Variants in SKIDA1 observed in about 807,000 individuals in gnomAD.
The protein encoded by SKIDA1 is SKI/DACH domain-containing protein 1.
Under a neutral mutation model 51.4 loss-of-function variants are expected in SKIDA1, and 18 were observed. The ratio of observed to expected loss-of-function variants is 0.35; its 90% CI spans 0.24 to 0.52. The LOEUF is 0.52. Among genes scored for constraint, SKIDA1 ranks in the 20% least tolerant of loss-of-function variants. The pLI is 0.95. For synonymous variants in SKIDA1, 579 were observed against 500.5 expected, an observed-to-expected ratio of 1.16 and a Z score of -2.09; for missense variants, 1,104 against 1,180.6, an observed-to-expected ratio of 0.94 and a Z score of 0.95.
In SKIDA1 at chr10:21,515,341, T is replaced by C; in HGVS notation, c.2482A>G (p.Arg828Gly). The C allele has an allele frequency of 6.2e-7, 1 of 1,614,086 alleles. No individual in the cohort carries two copies. The highest frequency in any genetic ancestry group is 8.5e-7 in the Non-Finnish European group (1 of 1,179,904). ...ACATTGCTGGCTACCTTTTTGCGTC[T>C]GTTTATAACTGTAAAATCATCCAGT... ...GTLDDFTVIN[R>G]RKKVASNVAS... The change falls in exon 4 of 4, where the codon AGA becomes GGA. Residue 828 changes from arginine (R) to glycine (G), a missense_variant. Physicochemically the swap from Arg to Gly is moderately radical, Grantham distance 125 (BLOSUM62 -2). Around this residue, in one of 3 missense-constraint regions of SKIDA1, gnomAD observed 112 missense variants for 168.3 expected, o/e 0.67. Transcript: ENST00000449193.
chr10:21,516,539 C>CTCCTCCTCCTCT lies in SKIDA1; in HGVS notation c.1272_1283dup (p.Glu425_Glu428dup), dbSNP rs759811825. ...TGGAATCCGAGGCCCCGCTGCCCCCCTCCTCCTCCTCTTCCTCCTCCTCCT... is the reference window on the plus strand; with the variant it reads ...TGGAATCCGAGGCCCCGCTGCCCCCCTCCTCCTCCTCTTCCTCCTCCTCTTCCTCCTCCTCCT... On this transcript the variant is annotated inframe_insertion, in exon 4 of 4. Transcript: ENST00000449193. The surrounding 1 kb of genome is among the most constrained non-coding windows in gnomAD (Gnocchi z 5.7). 2.9e-5 allele frequency: 44 copies of CTCCTCCTCCTCT among 1,531,562 alleles called. No homozygotes were observed. Among genetic ancestry groups the CTCCTCCTCCTCT allele is most frequent in the Non-Finnish European group, 3.8e-5 (43 of 1,127,922 alleles). The allele number at this position is 1,531,562 out of a possible 1,614,324, so 94.9% of individuals were successfully genotyped here. A position where few individuals can be genotyped will look rare whatever the true frequency, so the allele number is the denominator to read the frequency against.
Position 21,515,178 on chromosome 10 carries a change from G to A in SKIDA1, c.2645C>T (p.Ala882Val). 1 of 1,613,896 alleles carries A rather than the reference G, an allele frequency of 6.2e-7. No individual in the cohort carries two copies. Among genetic ancestry groups the A allele is most frequent in the Non-Finnish European group, 8.5e-7 (1 of 1,179,860 alleles). ...TTKDSQTPHKAHPIWKWQLGG... is the reference protein window; with the variant it reads ...TTKDSQTPHKVHPIWKWQLGG... ...CAGCTGCCATTTCCATATAGGATGGGCCTTGTGAGGAGTTTGAGAATCCTT... is the reference window on the plus strand; with the variant it reads ...CAGCTGCCATTTCCATATAGGATGGACCTTGTGAGGAGTTTGAGAATCCTT... The change falls in exon 4 of 4, where the codon GCC (alanine) becomes GTC (valine). Residue 882 changes from alanine (A) to valine (V), a missense_variant. By Grantham distance (64) the Ala-to-Val change is moderately conservative. Transcript: ENST00000449193.
At chr10:21,520,074 A>G (rs1273770945) in intron 3 of SKIDA1, among the ~76,000 whole-genome samples, 1 of 152,212 alleles carries the variant, frequency 6.6e-6, no homozygotes, top group Non-Finnish European at 1.5e-5. Flanking sequence ...TGCCTTTGAA[A>G]TCTAAGGCTA....
In SKIDA1 at chr10:21,525,634, AGG is replaced by A. The variant is rs2131280162; in HGVS notation, c.-2207_-2206del. ...CGCAGCAAGAGGAAGGGGAGGAGAG[AGG>A]AGAGGGAGGAGTAAATTCAACCACC... is the stretch of plus-strand genomic sequence containing the variant. On this transcript the variant is annotated 5_prime_UTR_variant, in exon 1 of 4. Coordinates refer to ENST00000449193, the MANE Select transcript of SKIDA1 (RefSeq NM_207371.4). 1 of 152,502 alleles carries A rather than the reference AGG, an allele frequency of 6.6e-6. No homozygotes were observed. The highest frequency in any genetic ancestry group is 2.1e-4 in the South Asian group (1 of 4,822). 9.4% of individuals were successfully genotyped at this position (152,502 alleles called of 1,614,324 possible). A position where few individuals can be genotyped will look rare whatever the true frequency, so the allele number is the denominator to read the frequency against.
In SKIDA1 at chr10:21,517,786, C is replaced by T; in HGVS notation, c.37G>A (p.Gly13Ser). The T allele has an allele frequency of 6.2e-7, 1 of 1,611,876 alleles. No homozygotes were observed. Residue 13 changes from glycine to serine, a missense_variant, in exon 4 of 4, where the codon GGC becomes AGC. By Grantham distance (56) the Gly-to-Ser change is moderately conservative. This residue lies in a region of SKIDA1 where 54 missense variants were observed against 126.0 expected (regional missense o/e 0.43). Transcript: ENST00000449193. This position sits in a 1 kb window ranked among gnomAD's most constrained non-coding sequence, Gnocchi z 6.9. The part of the protein sequence containing the change: ...DLKSGFEEVD[G>S]VRLGYLIIKG... ...ATGATGAGGTAGCCGAGCCTCACGC[C>T]ATCCACCTCTTCAAAACCTGACTTC...
Position 21,516,012 on chromosome 10 carries a change from G to C in SKIDA1, c.1811C>G (p.Thr604Arg), listed in dbSNP as rs777821247. 6 of 1,614,006 alleles carry C rather than the reference G, an allele frequency of 3.7e-6. No individual in the cohort carries two copies. The highest frequency in any genetic ancestry group is 2.2e-5 in the East Asian group (1 of 44,886). The stretch of plus-strand genomic sequence containing the variant: ...ATCTGCACAGTGTGTAGTAGGAGTT[G>C]TTTGTAGGCATTTCCTAGCCTCTCG... ...ILREARKCLQTTPTTHCADNN... is the reference protein window; with the variant it reads ...ILREARKCLQRTPTTHCADNN... The change falls in exon 4 of 4, where the codon ACA becomes AGA. Residue 604 changes from threonine to arginine, a missense_variant. Around this residue, in one of 3 missense-constraint regions of SKIDA1, gnomAD observed 938 missense variants for 886.4 expected, o/e 1.06. Coordinates refer to ENST00000449193, the MANE Select transcript of SKIDA1 (RefSeq NM_207371.4). The surrounding 1 kb of genome is among the most constrained non-coding windows in gnomAD (Gnocchi z 5.7).
Position 21,516,524 on chromosome 10 carries a change from G to A in SKIDA1, c.1299C>T (p.Ala433=), listed in dbSNP as rs1273092046. The part of the protein sequence containing the change: ...EEEEEEGGSG[A]SDSSEVSSEE... ...CCGAGCTGACTTCACTGGAATCCGA[G>A]GCCCCGCTGCCCCCCTCCTCCTCCT... The change falls in exon 4 of 4, where the codon GCC becomes GCT. Residue 433 remains alanine (A), a synonymous_variant. Coordinates refer to ENST00000449193, the MANE Select transcript of SKIDA1 (RefSeq NM_207371.4). This position sits in a 1 kb window ranked among gnomAD's most constrained non-coding sequence, Gnocchi z 5.7. 1.1e-5 allele frequency: 18 copies of A among 1,574,034 alleles called. No individual in the cohort carries two copies. The highest frequency in any genetic ancestry group is 1.9e-5 in the Admixed American group (1 of 53,924).
chr10:21,515,635 A>C lies in SKIDA1; in HGVS notation c.2188T>G (p.Leu730Val), dbSNP rs1214010625. 2 of 1,613,918 alleles carry C rather than the reference A, an allele frequency of 1.2e-6. No homozygotes were observed. The highest frequency in any genetic ancestry group is 8.5e-7 in the Non-Finnish European group (1 of 1,179,906). The change falls in exon 4 of 4, where the codon TTG (leucine) becomes GTG (valine). Residue 730 changes from leucine (L) to valine (V), a missense_variant. Physicochemically the swap from Leu to Val is conservative, Grantham distance 32. This residue lies in a region of SKIDA1 where 938 missense variants were observed against 886.4 expected (regional missense o/e 1.06). Coordinates refer to ENST00000449193, the MANE Select transcript of SKIDA1 (RefSeq NM_207371.4). ...AAACCTTCCTTGGCTGTGGTTAACAAGGCGTCCTCCTCTTTACTCTCAGTC... is the reference window on the plus strand; with the variant it reads ...AAACCTTCCTTGGCTGTGGTTAACACGGCGTCCTCCTCTTTACTCTCAGTC... Reference protein sequence around the residue: ...SVTESKEEDALLTTAKEGFAC... With the variant: ...SVTESKEEDAVLTTAKEGFAC...
At chr10:21,522,590 G>C in intron 2 of SKIDA1, among the ~76,000 whole-genome samples, 1 of 152,074 alleles carries the variant, frequency 6.6e-6, no homozygotes, top group East Asian at 1.9e-4. Flanking sequence ...TCTGCTTTTT[G>C]GGATGGGAAA....
intron 3 of SKIDA1, among the ~76,000 whole-genome samples, chr10:21,520,601 T>G (rs1035065481): frequency 6.6e-6 from 1 of 151,446 alleles, no homozygotes; most frequent in African/African-American, 2.4e-5. Context: ...CCTTTTTTTT[T>G]TTTCTCCAGG....
chr10:21,523,872 C>T lies in SKIDA1; in HGVS notation c.-2117-1G>A, dbSNP rs1316729994. On this transcript the variant is annotated splice_acceptor_variant, in intron 1 of 3. Coordinates refer to ENST00000449193, the MANE Select transcript of SKIDA1 (RefSeq NM_207371.4). LOFTEE classifies it low-confidence loss of function (5UTR_SPLICE). ...TTTCACTGCTGCAGCTACTGGGAAC[C>T]TACAAAAAAGCGGGAGATAAAAAAA... 6.8e-6 allele frequency: 1 copy of T among 147,238 alleles called. No homozygotes were observed. The highest frequency in any genetic ancestry group is 2.5e-5 in the African/African-American group (1 of 39,396). 9.1% of individuals were successfully genotyped at this position (147,238 alleles called of 1,614,324 possible).
chr10:21,515,742 G>A lies in SKIDA1; in HGVS notation c.2081C>T (p.Ala694Val). Residue 694 changes from alanine (A) to valine (V), a missense_variant, in exon 4 of 4, where the codon GCT (alanine) becomes GTT (valine). This residue lies in a region of SKIDA1 where 938 missense variants were observed against 886.4 expected (regional missense o/e 1.06). Transcript: ENST00000449193. ...NIKIKVEDSS[A>V]NEEYEPHLFT... is the part of the protein sequence containing the mutation. Reference sequence around the variant, plus strand: ...AAGGTGAGGTTCATATTCTTCATTAGCACTACTGTCTTCTACTTTGATTTT... The same window carrying A: ...AAGGTGAGGTTCATATTCTTCATTAACACTACTGTCTTCTACTTTGATTTT... 1 of 1,613,982 alleles carries A rather than the reference G, an allele frequency of 6.2e-7. No individual in the cohort carries two copies. Among genetic ancestry groups the A allele is most frequent in the South Asian group, 1.1e-5 (1 of 91,084 alleles).
At position 21,514,138 on chromosome 10, in the gene SKIDA1, C is replaced by G. The variant is rs2032117685; in HGVS notation, c.*958G>C. The G allele has an allele frequency of 6.7e-6, 1 of 149,194 alleles. No homozygotes were observed. The highest frequency in any genetic ancestry group is 1.5e-5 in the Non-Finnish European group (1 of 67,692). 9.2% of individuals were successfully genotyped at this position (149,194 alleles called of 1,614,324 possible). A position where few individuals can be genotyped will look rare whatever the true frequency, so the allele number is the denominator to read the frequency against. On this transcript the variant is annotated 3_prime_UTR_variant, in exon 4 of 4. Coordinates refer to ENST00000449193, the MANE Select transcript of SKIDA1 (RefSeq NM_207371.4). ...GCTGAGGCAGCAGAATCGTTTGAAC[C>G]CAGGAGGTGGAGGTTGCAGTGAGCC... is the stretch of plus-strand genomic sequence containing the variant.
In SKIDA1 at chr10:21,517,370, G is replaced by A; in HGVS notation, c.453C>T (p.Ile151=). 7.1e-7 allele frequency: 1 copy of A among 1,405,014 alleles called. No homozygotes were observed. The highest frequency in any genetic ancestry group is 9.2e-7 in the Non-Finnish European group (1 of 1,084,410). The allele number at this position is 1,405,014 out of a possible 1,614,324, so 87.0% of individuals were successfully genotyped here. A position where few individuals can be genotyped will look rare whatever the true frequency, so the allele number is the denominator to read the frequency against. Reference sequence around the variant, plus strand: ...CGCCCGGGCGCTGGGACTGCGCGCTGATTGGCAGGGGCCGCGCGGCTCCGC... The same window carrying A: ...CGCCCGGGCGCTGGGACTGCGCGCTAATTGGCAGGGGCCGCGCGGCTCCGC... ...GLSGAARPLP[I]SAQSQRPGAA... is the part of the protein sequence containing the mutation. Residue 151 remains isoleucine (I), a synonymous_variant, in exon 4 of 4, where the codon ATC becomes ATT. Coordinates refer to ENST00000449193, the MANE Select transcript of SKIDA1 (RefSeq NM_207371.4). The surrounding 1 kb of genome is among the most constrained non-coding windows in gnomAD (Gnocchi z 6.9).
rs2032250336 is a variant in SKIDA1, at chr10:21,517,019, G to A, written c.804C>T (p.Ser268=). Residue 268 remains serine (S), a synonymous_variant, in exon 4 of 4, where the codon AGC becomes AGT. Transcript: ENST00000449193. This position sits in a 1 kb window ranked among gnomAD's most constrained non-coding sequence, Gnocchi z 6.9. ...CGCCGCGCTTGCGCTTGCAGCGGTA[G>A]CTCAGGCTCCCCGGGCCTCCGGCGC... The part of the protein sequence containing the change: ...AAGAGGPGSL[S]YRCKRKRGGA... 1 of 1,094,314 alleles carries A rather than the reference G, an allele frequency of 9.1e-7. No homozygotes were observed. The highest frequency in any genetic ancestry group is 1.7e-5 in the African/African-American group (1 of 58,846). The allele number at this position is 1,094,314 out of a possible 1,614,324, so 67.8% of individuals were successfully genotyped here. A position where few individuals can be genotyped will look rare whatever the true frequency, so the allele number is the denominator to read the frequency against.
chr10:21,525,361 G>C (rs149576053), intron 1 of SKIDA1, among the ~76,000 whole-genome samples, 186 bp downstream of exon 1: 2 of 152,312 alleles, frequency 1.3e-5, no homozygotes, highest in East Asian at 1.9e-4. Context: ...CTGGTTATCC[G>C]CAAGTCTGGC....
chr10:21,515,725 G>T lies in SKIDA1; in HGVS notation c.2098C>A (p.Pro700Thr). The stretch of plus-strand genomic sequence containing the variant: ...TTTAGCTTATTTGTAAAAAGGTGAG[G>T]TTCATATTCTTCATTAGCACTACTG... ...EDSSANEEYE[P>T]HLFTNKLKCE... Residue 700 changes from proline (P) to threonine (T), a missense_variant, in exon 4 of 4, where the codon CCT (proline) becomes ACT (threonine). Pro to Thr is a conservative substitution (Grantham distance 38). This residue lies in a region of SKIDA1 where 938 missense variants were observed against 886.4 expected (regional missense o/e 1.06). Transcript: ENST00000449193. 2 of 1,613,984 alleles carry T rather than the reference G, an allele frequency of 1.2e-6. No homozygotes were observed. The highest frequency in any genetic ancestry group is 8.5e-7 in the Non-Finnish European group (1 of 1,179,900).
At position 21,515,945 on chromosome 10, in the gene SKIDA1, T is replaced by G. The variant is rs760540380; in HGVS notation, c.1878A>C (p.Ser626=). The change falls in exon 4 of 4, where the codon TCA becomes TCC. Residue 626 remains serine, a synonymous_variant. Transcript: ENST00000449193. ...ATTTTTCTGAATTTGCTTCTGCTCCTGAAGAATCATTATTTAAGAACCTAG... is the reference window on the plus strand; with the variant it reads ...ATTTTTCTGAATTTGCTTCTGCTCCGGAAGAATCATTATTTAAGAACCTAG... The part of the protein sequence containing the change: ...IAARFLNNDS[S]GAEANSEKYS... 1.2e-6 allele frequency: 2 copies of G among 1,614,010 alleles called. No individual in the cohort carries two copies. Among genetic ancestry groups the G allele is most frequent in the South Asian group, 2.2e-5 (2 of 91,078 alleles).
intron 2 of SKIDA1, among the ~76,000 whole-genome samples, chr10:21,522,269 C>A (rs112632384): frequency 3.8e-3 from 37 of 9,726 alleles, no homozygotes; most frequent in African/African-American, 6.9e-3. Context: ...CACAGCCACC[C>A]CCCCCCCCCC....
Sources: allele counts gnomAD v4.1 joint callset (sites outside exome capture counted in the v4.1 genomes callset), GRCh38; gene constraint gnomAD v4.1.1; regional missense constraint gnomAD v4.1.1; non-coding constraint Gnocchi (gnomAD v3.1); transcripts MANE v1.5; gene names NCBI Gene and HGNC (gene_info 2026-07-23, HGNC 2026-07-21).